The following CSMD3 variants were observed in gnomAD, a reference collection of about 807,000 sequenced individuals.
The protein encoded by CSMD3 is CUB and Sushi multiple domains 3.
Under a neutral mutation model 435.2 loss-of-function variants are expected in CSMD3, and 177 were observed. The observed-to-expected ratio is 0.41, with a 90% confidence interval of 0.36 to 0.46. The LOEUF is 0.46. Ranked by LOEUF, CSMD3 falls within the 20% of genes least tolerant of loss-of-function variation. The pLI is 0.34. For missense variants in CSMD3, 4,265 were observed against 4,504.6 expected (o/e 0.95, Z 1.52); for synonymous variants, 1,656 against 1,520.5 (o/e 1.09, Z -2.07).
chr8:112,810,906 G>C (rs895287950), intron 12 of CSMD3, among the ~76,000 whole-genome samples: 2 of 151,892 alleles, frequency 1.3e-5, no homozygotes, highest in Non-Finnish European at 2.9e-5. Context: ...TATTCAAATA[G>C]ATAATTATTT....
intron 59 of CSMD3, 106 bp from the exon 60 acceptor site, chr8:112,265,696 A>G (rs891080234): frequency 1.2e-6 from 1 of 824,262 alleles, no homozygotes; most frequent in Admixed American, 1.7e-5. Context: ...AAAATTAGTT[A>G]TCGTGTTCAT....
intron 1 of CSMD3, among the ~76,000 whole-genome samples, chr8:113,422,886 C>A (rs2094615590): frequency 6.6e-6 from 1 of 151,350 alleles, no homozygotes; most frequent in African/African-American, 2.4e-5. Flanking sequence ...GTAGATTATC[C>A]CTTATTCAAA....
Position 112,517,048 on chromosome 8 carries a change from G to T in CSMD3, c.4742C>A (p.Pro1581Gln). 1 of 1,612,672 alleles carries T rather than the reference G, an allele frequency of 6.2e-7. No homozygotes were observed. Among genetic ancestry groups the T allele is most frequent in the Non-Finnish European group, 8.5e-7 (1 of 1,179,074 alleles). The change falls in exon 28 of 71, where the codon CCA (proline) becomes CAA (glutamine). Residue 1581 changes from proline (P) to glutamine (Q), a missense_variant. Transcript: ENST00000297405. Reference sequence around the variant, plus strand: ...TTAATTCATACCTATACAGACTGGTGGGCTGGGCTGCCAGAAGTACCGATT... The same window carrying T: ...TTAATTCATACCTATACAGACTGGTTGGCTGGGCTGCCAGAAGTACCGATT... Reference protein sequence around the residue: ...VENRYFWQPSPPVCIAPCGGN... With the variant: ...VENRYFWQPSQPVCIAPCGGN...
At chr8:112,258,955 C>T (rs577307377) in intron 61 of CSMD3, among the ~76,000 whole-genome samples, 55 of 152,082 alleles carry the variant, frequency 3.6e-4, no homozygotes, top group African/African-American at 1.3e-3. Context: ...AGGAGAATGG[C>T]GAGAACCCGG....
At chr8:112,783,420 G>A (rs181608658) in intron 13 of CSMD3, among the ~76,000 whole-genome samples, 1 of 64,498 alleles carries the variant, frequency 1.6e-5, no homozygotes, top group African/African-American at 7.5e-5. Context: ...GAAGGAGGGA[G>A]GGAGGGAAGG....
Position 112,552,609 on chromosome 8 carries a change from G to A in CSMD3, c.4346C>T (p.Pro1449Leu). 1 of 1,612,120 alleles carries A rather than the reference G, an allele frequency of 6.2e-7. No homozygotes were observed. Among genetic ancestry groups the A allele is most frequent in the Non-Finnish European group, 8.5e-7 (1 of 1,178,900 alleles). ...LRCMWMIEVD[P>L]GNIVSLQFLA... ...ATTCATTTACCTGACAATATTTCCA[G>A]GATCTACCTCAATCATCCACATGCA... Residue 1449 changes from proline to leucine, a missense_variant, in exon 26 of 71, where the codon CCT becomes CTT. By Grantham distance (98) the Pro-to-Leu change is moderately conservative. Around this residue, in one of 3 missense-constraint regions of CSMD3, gnomAD observed 3,255 missense variants for 3,380.2 expected, o/e 0.96. Coordinates refer to ENST00000297405, the MANE Select transcript of CSMD3 (RefSeq NM_198123.2).
chr8:112,341,353 C>T, intron 42 of CSMD3, 124 bp downstream of exon 42: 1 of 701,358 alleles, frequency 1.4e-6, no homozygotes. Context: ...TGAAGCTCAC[C>T]TTGGCTTAAG....
Position 113,351,108 on chromosome 8 carries a change from A to G in CSMD3, c.179-36315T>C, listed in dbSNP as rs11780684. On this transcript the variant is annotated intron_variant, in intron 1 of 70. Transcript: ENST00000297405. ...CACTCCATTAGTGTGCTTCCTAAGT[A>G]CCAGGCAATAGCTTTTAGTTCTTTA... 6.6e-5 allele frequency among the ~76,000 whole-genome samples: 10 copies of G among 152,128 alleles called. 1 individual carries two copies. Among genetic ancestry groups the G allele is most frequent in the Admixed American group, 3.3e-4 (5 of 15,248 alleles).
intron 58 of CSMD3, among the ~76,000 whole-genome samples, chr8:112,282,384 G>A (rs1388463439): frequency 6.6e-6 from 1 of 151,960 alleles, no homozygotes; most frequent in Non-Finnish European, 1.5e-5. Context: ...TTGTTGTTAA[G>A]CATGATTACT....
At chr8:112,961,835 C>G (rs1003220004) in intron 7 of CSMD3, among the ~76,000 whole-genome samples, 1 of 151,892 alleles carries the variant, frequency 6.6e-6, no homozygotes, top group African/African-American at 2.4e-5. Context: ...ATAGCACTTA[C>G]GCAGATAACA....
chr8:113,299,716 T>C (rs183867988), intron 2 of CSMD3, among the ~76,000 whole-genome samples: 1 of 151,854 alleles, frequency 6.6e-6, no homozygotes, highest in Non-Finnish European at 1.5e-5. Context: ...AAAAAACAGC[T>C]GGGCACAGTG....
chr8:113,332,295 C>T (rs1292399839), intron 1 of CSMD3, among the ~76,000 whole-genome samples: 46 of 138,960 alleles, frequency 3.3e-4, no homozygotes, highest in Non-Finnish European at 1.5e-4. Context: ...TACCACAAAA[C>T]TTCAATTGGT....
intron 32 of CSMD3, among the ~76,000 whole-genome samples, chr8:112,469,086 G>A (rs150545321): frequency 3.3e-4 from 48 of 143,352 alleles, no homozygotes; most frequent in African/African-American, 1.2e-3. Context: ...TTAGGTTGGT[G>A]TAAAAGTAAT....
chr8:112,795,741 T>A (rs2078813331), intron 13 of CSMD3, among the ~76,000 whole-genome samples: 1 of 152,166 alleles, frequency 6.6e-6, no homozygotes, highest in African/African-American at 2.4e-5. Context: ...CATGTTTGTT[T>A]AAGCCACAAT....
chr8:113,098,157 T>G (rs2090220006), intron 5 of CSMD3, among the ~76,000 whole-genome samples: 1 of 152,080 alleles, frequency 6.6e-6, no homozygotes, highest in South Asian at 2.1e-4. Context: ...TCTAGTCTAG[T>G]GTTTACCTAT....
intron 42 of CSMD3, among the ~76,000 whole-genome samples, chr8:112,339,154 G>C (rs1288532767): frequency 2.0e-5 from 3 of 152,044 alleles, no homozygotes; most frequent in Non-Finnish European, 2.9e-5. Context: ...GAAATTGGCT[G>C]TCTGCAACCA....
intron 11 of CSMD3, among the ~76,000 whole-genome samples, chr8:112,847,108 G>A (rs2080345907): frequency 6.6e-6 from 1 of 152,086 alleles, no homozygotes; most frequent in African/African-American, 2.4e-5. Flanking sequence ...TTTAATTTCA[G>A]TTTATCCCTG....
At chr8:113,080,990 A>T (rs1029419473) in intron 5 of CSMD3, among the ~76,000 whole-genome samples, 5 of 152,192 alleles carry the variant, frequency 3.3e-5, no homozygotes, top group African/African-American at 9.7e-5. Context: ...ATCATCTTCC[A>T]TATCTAATAT....
chr8:113,435,613 C>T (rs571140575), intron 1 of CSMD3, among the ~76,000 whole-genome samples: 1 of 151,486 alleles, frequency 6.6e-6, no homozygotes. Flanking sequence ...TTCCCGCGAT[C>T]CCCCGCCCCC....
Sources: gnomAD v4.1 joint callset for allele counts (sites outside exome capture counted in the v4.1 genomes callset) on GRCh38, gnomAD v4.1.1 for gene constraint, gnomAD v4.1.1 regional missense constraint, MANE v1.5 for transcripts, NCBI Gene and HGNC (gene_info 2026-07-23, HGNC 2026-07-21) for gene names.